Variants in CA5A observed in about 807,000 individuals in gnomAD.
The protein encoded by CA5A is carbonic anhydrase 5A, mitochondrial.
Under a neutral mutation model 37.1 loss-of-function variants are expected in CA5A, and 28 were observed. The observed-to-expected ratio is 0.75, with a 90% CI of 0.56 to 1.03. The LOEUF is 1.03. Ranked by LOEUF, CA5A falls within the 50% of genes least tolerant of loss-of-function variation. The pLI is 0.00. For synonymous variants in CA5A, 171 were observed against 158.4 expected, an observed-to-expected ratio of 1.08 and a Z score of -0.60; for missense variants, 444 against 399.9, an observed-to-expected ratio of 1.11 and a Z score of -0.94.
intron 5 of CA5A, among the ~76,000 whole-genome samples, chr16:87,894,459 C>T (rs1219018942): frequency 1.3e-5 from 2 of 151,988 alleles, no homozygotes; most frequent in Non-Finnish European, 2.9e-5. Context: ...CAGTGAGGGT[C>T]AGGGTCAAGA....
intron 5 of CA5A, chr16:87,892,232 G>C (rs569844121): frequency 3.4e-6 from 1 of 291,524 alleles, no homozygotes; most frequent in African/African-American, 2.2e-5. Context: ...TCATTTCTTG[G>C]GGCGCAGTAG....
intron 2 of CA5A, among the ~76,000 whole-genome samples, chr16:87,915,120 C>T (rs867180511): frequency 6.6e-5 from 10 of 152,336 alleles, no homozygotes; most frequent in South Asian, 4.1e-4. Context: ...AACCTCGACT[C>T]GCGTTGCAGC....
chr16:87,893,875 C>A (rs2055762575), intron 5 of CA5A: 1 of 238,252 alleles, frequency 4.2e-6, no homozygotes. Context: ...TGGGCTCAAG[C>A]GATCCCCCCG....
At chr16:87,929,888 A>AAT (rs981384028) in intron 1 of CA5A, among the ~76,000 whole-genome samples, 2 of 151,620 alleles carry the variant, frequency 1.3e-5, no homozygotes, top group African/African-American at 4.8e-5. Context: ...AAAAAAAAAA[A>AAT]AAAAAAAATA....
At chr16:87,929,883 A>AAAAT (rs1372764594) in intron 1 of CA5A, among the ~76,000 whole-genome samples, 2 of 151,342 alleles carry the variant, frequency 1.3e-5, no homozygotes, top group African/African-American at 4.9e-5. Context: ...AAAAAAAAAA[A>AAAAT]AAAAAAAAAA....
rs747513681 is a variant in CA5A, at chr16:87,936,321, T to C, written c.130A>G (p.Ser44Gly). 5 of 1,613,100 alleles carry C rather than the reference T, an allele frequency of 3.1e-6. No individual in the cohort carries two copies. The highest frequency in any genetic ancestry group is 4.5e-5 in the East Asian group (2 of 44,886). Residue 44 changes from serine (S) to glycine (G), a missense_variant, in exon 1 of 7, where the codon AGC becomes GGC. Transcript: ENST00000649794. ...AGGCTCTACTTACAAGTGTTATTGC[T>C]GGTTTGCCATGCACAGGAACGCTGA... Reference protein sequence around the residue: ...CSQRSCAWQTSNNTLHPLWTV... With the variant: ...CSQRSCAWQTGNNTLHPLWTV...
At chr16:87,926,651 A>C in intron 2 of CA5A, 97 bp downstream of exon 2, 2 of 938,582 alleles carry the variant, frequency 2.1e-6, no homozygotes, top group South Asian at 3.0e-5. Flanking sequence ...GGAAAGCAGC[A>C]CCTTCCTGCT....
chr16:87,890,394 C>T (rs1353424745), intron 6 of CA5A, among the ~76,000 whole-genome samples: 3 of 152,140 alleles, frequency 2.0e-5, no homozygotes, highest in Non-Finnish European at 4.4e-5. Flanking sequence ...GGAATATTTT[C>T]ACAGGCCCGG....
intron 4 of CA5A, chr16:87,881,960 T>C (rs2055611386): frequency 6.6e-6 from 1 of 151,988 alleles, no homozygotes; most frequent in African/African-American, 2.4e-5. Context: ...ATACGGAAAA[T>C]GAAGGTCAGC....
chr16:87,924,436 C>T, intron 2 of CA5A: 1 of 476,758 alleles, frequency 2.1e-6, no homozygotes, highest in African/African-American at 2.1e-5. Flanking sequence ...GCCCTGCCCC[C>T]AACAGCAGGT....
At chr16:87,897,511 G>C (rs1460727543) in intron 5 of CA5A, among the ~76,000 whole-genome samples, 1 of 151,668 alleles carries the variant, frequency 6.6e-6, no homozygotes, top group African/African-American at 2.4e-5. Flanking sequence ...AGATGGGATG[G>C]TGCTGGGGGT....
chr16:87,899,517 G>A (rs1414936219), intron 5 of CA5A, among the ~76,000 whole-genome samples: 1 of 150,680 alleles, frequency 6.6e-6, no homozygotes, highest in Non-Finnish European at 1.5e-5. Context: ...TGGCCAGGCT[G>A]GTTTTGAACA....
At chr16:87,934,794 T>A (rs1430462944) in intron 1 of CA5A, among the ~76,000 whole-genome samples, 4 of 152,092 alleles carry the variant, frequency 2.6e-5, no homozygotes, top group Non-Finnish European at 4.4e-5. Context: ...ATCCTATCTC[T>A]ACTAAAAATA....
At chr16:87,914,138 T>A (rs1237466996) in intron 2 of CA5A, among the ~76,000 whole-genome samples, 3 of 152,234 alleles carry the variant, frequency 2.0e-5, no homozygotes, top group Non-Finnish European at 4.4e-5. Context: ...GAGAGAAAAC[T>A]GCAGCCATGT....
intron 2 of CA5A, among the ~76,000 whole-genome samples, chr16:87,919,759 T>C (rs1007893314): frequency 6.6e-6 from 1 of 151,952 alleles, no homozygotes; most frequent in Non-Finnish European, 1.5e-5. Flanking sequence ...AGAGCAGCAG[T>C]GAGATCCCAG....
rs2056266649 is a variant in CA5A, at chr16:87,924,005, G to C, written c.340+2743C>G. On this transcript the variant is annotated intron_variant, in intron 2 of 6. Transcript: ENST00000649794. ...TAAAACTGAAAAGCCAATCTGAGTT[G>C]CTTCTTGGGCATTTGAACTTGGAAC... 5 of 985,324 alleles carry C rather than the reference G, an allele frequency of 5.1e-6. No individual in the cohort carries two copies. In the South Asian group the frequency reaches 2.3e-4, roughly 46 times the overall value. The allele number at this position is 985,324 out of a possible 1,614,324, so 61.0% of individuals were successfully genotyped here. A position where few individuals can be genotyped will look rare whatever the true frequency, so the allele number is the denominator to read the frequency against.
chr16:87,892,782 T>C (rs1397769681), intron 5 of CA5A, among the ~76,000 whole-genome samples: 12 of 150,436 alleles, frequency 8.0e-5, no homozygotes, highest in Non-Finnish European at 3.0e-5. Flanking sequence ...CAAGCGATTC[T>C]CCTGCCTCAG....
chr16:87,888,919 A>AGTTTTT (rs2055675275), intron 6 of CA5A, among the ~76,000 whole-genome samples: 11 of 136,140 alleles, frequency 8.1e-5, no homozygotes, highest in Admixed American at 6.0e-4. Context: ...CGCCCGGCTA[A>AGTTTTT]TTTTTTTTTT....
At chr16:87,892,909 G>C in intron 5 of CA5A, 1 of 526,052 alleles carries the variant, frequency 1.9e-6, no homozygotes, top group South Asian at 3.1e-5. Context: ...ACCCGCCTTG[G>C]CCTCCCAAAG....
Sources: allele counts gnomAD v4.1 joint callset (sites outside exome capture counted in the v4.1 genomes callset), GRCh38; gene constraint gnomAD v4.1.1; transcripts MANE v1.5; gene names NCBI Gene and HGNC (gene_info 2026-07-23, HGNC 2026-07-21).